TANC2: variants seen among roughly 807,000 people sequenced by gnomAD.
TANC2 encodes protein TANC2.
A neutral mutation model predicts 210.5 loss-of-function variants in TANC2; 26 were observed. The ratio of observed to expected loss-of-function variants is 0.12; its 90% CI spans 0.09 to 0.17. The LOEUF (loss-of-function observed/expected upper bound fraction) is 0.17. Ranked by LOEUF, TANC2 falls within the 10% of genes least tolerant of loss-of-function variation. The probability of loss-of-function intolerance (pLI) is 1.00; values close to 1 mark genes in which losing one functional copy is unlikely to be tolerated. For missense variants in TANC2, 2,129 were observed against 2,608.9 expected, an observed-to-expected ratio of 0.82 and a Z score of 4.01; for synonymous variants, 931 against 967.1, an observed-to-expected ratio of 0.96 and a Z score of 0.69.
chr17:62,984,097 G>A (rs948950849), intron 1 of TANC2, among the ~76,000 whole-genome samples: 1 of 152,012 alleles, frequency 6.6e-6, no homozygotes, highest in African/African-American at 2.4e-5. Context: ...ATCTGGTTCT[G>A]GACTTTTCTT....
At chr17:63,069,540 G>A (rs1445044671) in intron 2 of TANC2, among the ~76,000 whole-genome samples, 1 of 152,112 alleles carries the variant, frequency 6.6e-6, no homozygotes, top group Non-Finnish European at 1.5e-5. Context: ...AAAACACTGA[G>A]ACTCAGAGAA....
In TANC2 at chr17:63,412,640, T is replaced by G; in HGVS notation, c.3899-40T>G. 6.6e-7 allele frequency: 1 copy of G among 1,515,022 alleles called. No homozygotes were observed. The highest frequency in any genetic ancestry group is 8.8e-7 in the Non-Finnish European group (1 of 1,133,258). 93.8% of individuals were successfully genotyped at this position (1,515,022 alleles called of 1,614,324 possible). A position where few individuals can be genotyped will look rare whatever the true frequency, so the allele number is the denominator to read the frequency against. On this transcript the variant is annotated intron_variant, in intron 23 of 27. Transcript: ENST00000689528. This position sits in a 1 kb window ranked among gnomAD's most constrained non-coding sequence, Gnocchi z 4.2. ...TTTTTTCACCTTCATCCATTTTTTT[T>G]TCCTCTCCTACAACTTTTTGTTTTC... is the stretch of plus-strand genomic sequence containing the variant.
chr17:63,359,579 C>G (rs1598937879), intron 14 of TANC2, among the ~76,000 whole-genome samples: 1 of 151,906 alleles, frequency 6.6e-6, no homozygotes, highest in African/African-American at 2.4e-5. Context: ...TACTCCTGAC[C>G]TCAGGTGGTC....
intron 5 of TANC2, among the ~76,000 whole-genome samples, chr17:63,160,611 A>G (rs1472458451): frequency 6.6e-6 from 1 of 152,212 alleles, no homozygotes; most frequent in Admixed American, 6.5e-5. Context: ...GCTTCAGTGA[A>G]CATACTAATT....
chr17:63,033,459 T>C (rs143313205), intron 2 of TANC2, among the ~76,000 whole-genome samples: 5 of 152,302 alleles, frequency 3.3e-5, no homozygotes, highest in Admixed American at 3.3e-4. Context: ...CTCTTGTGTC[T>C]ATTACTGGGT....
At chr17:63,074,669 G>T (rs239360) in intron 3 of TANC2, among the ~76,000 whole-genome samples, 90,859 of 151,938 alleles carry the variant, frequency 0.6, 29,739 homozygotes, top group African/African-American at 0.87. Context: ...AATGGATGTT[G>T]CGTGATAGCA....
chr17:63,134,936 A>G (rs1367878949), intron 4 of TANC2, among the ~76,000 whole-genome samples: 1 of 152,176 alleles, frequency 6.6e-6, no homozygotes, highest in Non-Finnish European at 1.5e-5. Context: ...ACAACACAAG[A>G]ACATCTAGCC....
chr17:63,250,770 C>T (rs554022661), intron 8 of TANC2, among the ~76,000 whole-genome samples: 1 of 152,158 alleles, frequency 6.6e-6, no homozygotes, highest in South Asian at 2.1e-4. Flanking sequence ...ATGTAGTTTA[C>T]ATTATTGCTG....
chr17:63,056,343 C>T (rs2144474394), intron 2 of TANC2, among the ~76,000 whole-genome samples: 1 of 151,884 alleles, frequency 6.6e-6, no homozygotes, highest in African/African-American at 2.4e-5. Flanking sequence ...ATTTTTCAAA[C>T]TTACTGAAAT....
intron 11 of TANC2, among the ~76,000 whole-genome samples, chr17:63,330,611 C>T (rs1425791087): frequency 6.6e-6 from 1 of 152,138 alleles, no homozygotes; most frequent in African/African-American, 2.4e-5. Context: ...TAAAAGTGTC[C>T]GTTCTTTTAT....
chr17:63,069,011 A>G (rs1598348699), intron 2 of TANC2, among the ~76,000 whole-genome samples: 1 of 152,150 alleles, frequency 6.6e-6, no homozygotes, highest in Admixed American at 6.5e-5. Context: ...GGAGAACTGT[A>G]TAATGAAAAT....
chr17:63,214,730 T>C (rs1341421862), intron 7 of TANC2, among the ~76,000 whole-genome samples: 6 of 152,150 alleles, frequency 3.9e-5, no homozygotes, highest in Admixed American at 6.5e-5. Context: ...TACTATCACA[T>C]TGGAGATTGT....
intron 1 of TANC2, among the ~76,000 whole-genome samples, chr17:62,977,831 G>A (rs77208730): frequency 0.029 from 4,430 of 152,094 alleles, 80 homozygotes; most frequent in South Asian, 0.037. Flanking sequence ...AGTAGCCAAC[G>A]TTAACCAACA....
intron 9 of TANC2, among the ~76,000 whole-genome samples, chr17:63,310,464 T>C (rs886531643): frequency 2.0e-5 from 3 of 151,960 alleles, no homozygotes; most frequent in Admixed American, 2.0e-4. Context: ...AGAAAAATAT[T>C]ATTTCTAAAA....
chr17:63,082,158 G>A (rs1433575194), intron 3 of TANC2, among the ~76,000 whole-genome samples: 3 of 152,142 alleles, frequency 2.0e-5, no homozygotes, highest in Non-Finnish European at 2.9e-5. Context: ...GCGACAGAGC[G>A]AGACTCCATC....
At chr17:63,003,525 C>T (rs2033479092) in intron 1 of TANC2, among the ~76,000 whole-genome samples, 1 of 152,180 alleles carries the variant, frequency 6.6e-6, no homozygotes, top group African/African-American at 2.4e-5. Flanking sequence ...TTTTACCTCC[C>T]AGGCAGGATG....
At chr17:63,132,709 T>C (rs1052028141) in intron 4 of TANC2, among the ~76,000 whole-genome samples, 4 of 152,200 alleles carry the variant, frequency 2.6e-5, no homozygotes, top group Admixed American at 2.0e-4. Context: ...TAGAAATTTC[T>C]GACAAATATT....
At chr17:63,048,328 A>G (rs1226405672) in intron 2 of TANC2, among the ~76,000 whole-genome samples, 1 of 152,122 alleles carries the variant, frequency 6.6e-6, no homozygotes, top group East Asian at 1.9e-4. Flanking sequence ...AGAACACCTT[A>G]TTTGTTTTTT....
chr17:63,273,625 T>C (rs1191424684), intron 9 of TANC2, among the ~76,000 whole-genome samples: 1 of 152,174 alleles, frequency 6.6e-6, no homozygotes, highest in Non-Finnish European at 1.5e-5. Context: ...ATGACGCTTT[T>C]ATTTTATTTT....
Sources: gnomAD v4.1 joint callset for allele counts (sites outside exome capture counted in the v4.1 genomes callset) on GRCh38, gnomAD v4.1.1 for gene constraint, Gnocchi (gnomAD v3.1) non-coding constraint, MANE v1.5 for transcripts, NCBI Gene and HGNC (gene_info 2026-07-23, HGNC 2026-07-21) for gene names.